The following PIERCE1 variants were observed in gnomAD, a reference collection of about 807,000 sequenced individuals.
PIERCE1 encodes piercer of microtubule wall 1.
chr9:135,499,831 T>C, the PIERCE1 span: 2 of 1,593,358 alleles, frequency 1.3e-6, no homozygotes, highest in Admixed American at 1.8e-5. Flanking sequence ...CCGCGCACGC[T>C]CTGGGGCATT....
chr9:135,496,723 A>G, the PIERCE1 span, among the ~76,000 whole-genome samples: 2 of 150,886 alleles, frequency 1.3e-5, no homozygotes, highest in African/African-American at 4.9e-5. Context: ...TCTACATTCT[A>G]TGGGTGGGAC....
At chr9:135,499,633 G>A in the PIERCE1 span, 4 of 1,534,894 alleles carry the variant, frequency 2.6e-6, no homozygotes, top group African/African-American at 1.4e-5. Context: ...AGGACCTTGG[G>A]GGTCTTGCGG....
chr9:135,495,583 G>A, the PIERCE1 span: 6 of 1,613,616 alleles, frequency 3.7e-6, no homozygotes, highest in Admixed American at 1.0e-4. Flanking sequence ...CAAGTTGTTG[G>A]GAAAATTTAT....
the PIERCE1 span, among the ~76,000 whole-genome samples, chr9:135,496,176 G>C: frequency 6.6e-6 from 1 of 152,218 alleles, no homozygotes; most frequent in African/African-American, 2.4e-5. Context: ...TATTAGCCAG[G>C]TGTGGTGGCG....
chr9:135,498,736 T>C, the PIERCE1 span: 4 of 1,391,670 alleles, frequency 2.9e-6, no homozygotes, highest in Admixed American at 6.7e-5. The surrounding 1 kb of genome is among the most constrained non-coding windows in gnomAD (Gnocchi z 4.1). Flanking sequence ...TGTATTTGGT[T>C]GACGGCACTC....
the PIERCE1 span, chr9:135,498,816 G>A: frequency 1.5e-6 from 1 of 680,706 alleles, no homozygotes; most frequent in Non-Finnish European, 2.6e-6. This position sits in a 1 kb window ranked among gnomAD's most constrained non-coding sequence, Gnocchi z 4.1. Flanking sequence ...GCAGCCTCTG[G>A]GAGTACCTGG....
At chr9:135,498,527 C>G in the PIERCE1 span, 1 of 1,507,066 alleles carries the variant, frequency 6.6e-7, no homozygotes, top group Non-Finnish European at 9.2e-7. The surrounding 1 kb of genome is among the most constrained non-coding windows in gnomAD (Gnocchi z 4.1). Context: ...AGGTTTTTAG[C>G]CTCTTCTTGA....
the PIERCE1 span, chr9:135,499,844 T>TC: frequency 4.4e-6 from 7 of 1,581,898 alleles, no homozygotes; most frequent in Admixed American, 1.8e-5. Context: ...GGGGCATTCC[T>TC]CAGCCATTGT....
the PIERCE1 span, chr9:135,499,830 C>T: frequency 6.3e-7 from 1 of 1,594,942 alleles, no homozygotes; most frequent in Non-Finnish European, 8.5e-7. Flanking sequence ...TCCGCGCACG[C>T]TCTGGGGCAT....
chr9:135,498,927 G>A, the PIERCE1 span: 2 of 465,624 alleles, frequency 4.3e-6, no homozygotes, highest in African/African-American at 2.0e-5. This position sits in a 1 kb window ranked among gnomAD's most constrained non-coding sequence, Gnocchi z 4.1. Context: ...CAGGCAGCCA[G>A]CAAGTGCTGA....
the PIERCE1 span, chr9:135,499,822 C>T: frequency 2.5e-6 from 4 of 1,601,704 alleles, no homozygotes; most frequent in African/African-American, 4.0e-5. Context: ...CCACAGGCTC[C>T]GCGCACGCTC....
the PIERCE1 span, among the ~76,000 whole-genome samples, chr9:135,496,486 G>A: frequency 1.3e-5 from 2 of 152,216 alleles, no homozygotes; most frequent in Non-Finnish European, 2.9e-5. Context: ...CCTGTGCCAC[G>A]CACATCACCT....
the PIERCE1 span, among the ~76,000 whole-genome samples, chr9:135,498,117 C>T: frequency 6.6e-6 from 1 of 152,108 alleles, no homozygotes; most frequent in Non-Finnish European, 1.5e-5. This position sits in a 1 kb window ranked among gnomAD's most constrained non-coding sequence, Gnocchi z 4.1. Flanking sequence ...CTCCTGTGCC[C>T]ACCAATACAA....
chr9:135,499,858 TGGA>T, the PIERCE1 span: 12 of 1,554,818 alleles, frequency 7.7e-6, no homozygotes, highest in Admixed American at 1.9e-5. Context: ...CCATTGTGCC[TGGA>T]GGAGAAGCGG....
the PIERCE1 span, chr9:135,498,701 T>C: frequency 6.4e-7 from 1 of 1,570,652 alleles, no homozygotes; most frequent in Non-Finnish European, 8.8e-7. This position sits in a 1 kb window ranked among gnomAD's most constrained non-coding sequence, Gnocchi z 4.1. Flanking sequence ...ATTCATTTAC[T>C]CTAATTCTGC....
chr9:135,498,672 T>C, the PIERCE1 span: 14 of 1,611,794 alleles, frequency 8.7e-6, no homozygotes, highest in Non-Finnish European at 1.2e-5. The surrounding 1 kb of genome is among the most constrained non-coding windows in gnomAD (Gnocchi z 4.1). Flanking sequence ...TCCTGGTAGA[T>C]GAGAAACACT....
the PIERCE1 span, chr9:135,499,558 C>T: frequency 3.7e-6 from 4 of 1,085,224 alleles, no homozygotes; most frequent in South Asian, 2.7e-5. Context: ...ACGGTCGCCG[C>T]TCACTGGCGG....
At chr9:135,499,708 C>T in the PIERCE1 span, 2 of 1,607,994 alleles carry the variant, frequency 1.2e-6, no homozygotes, top group Admixed American at 3.4e-5. Context: ...AGCTTCCTCA[C>T]CTGTAGCCCC....
the PIERCE1 span, chr9:135,499,648 T>C: frequency 2.5e-6 from 4 of 1,584,062 alleles, no homozygotes; most frequent in Non-Finnish European, 3.4e-6. Context: ...TTGCGGGGTC[T>C]CTCACACACG....
Sources: gnomAD v4.1 joint callset for allele counts (sites outside exome capture counted in the v4.1 genomes callset) on GRCh38, gnomAD v4.1.1 for gene constraint, Gnocchi (gnomAD v3.1) non-coding constraint, MANE v1.5 for transcripts, NCBI Gene and HGNC (gene_info 2026-07-23, HGNC 2026-07-21) for gene names.